The following ITGA9 variants were observed in gnomAD, a reference collection of about 807,000 sequenced individuals.
The protein encoded by ITGA9 is integrin subunit alpha 9, also known as integrin alpha-9.
Under a neutral mutation model 127.8 loss-of-function variants are expected in ITGA9, and 56 were observed. The ratio of observed to expected loss-of-function variants is 0.44; its 90% CI spans 0.35 to 0.55. The LOEUF is 0.55. Among genes scored for constraint, ITGA9 ranks in the 20% least tolerant of loss-of-function variants. The pLI, the probability that ITGA9 is intolerant of heterozygous loss-of-function variation, is 0.00. For missense variants in ITGA9, 1,196 were observed against 1,347.1 expected (o/e 0.89, Z 1.76); for synonymous variants, 508 against 514.5 (o/e 0.99, Z 0.17).
chr3:37,506,404 G>A (rs934600588), intron 7 of ITGA9, among the ~76,000 whole-genome samples: 3 of 152,134 alleles, frequency 2.0e-5, no homozygotes, highest in African/African-American at 7.2e-5. Context: ...GGCATTTAGT[G>A]CTGTCCAACT....
chr3:37,583,494 T>G (rs190879638), intron 15 of ITGA9, among the ~76,000 whole-genome samples: 61 of 152,350 alleles, frequency 4.0e-4, no homozygotes, highest in African/African-American at 1.5e-3. Context: ...CAATGTCTTA[T>G]GAGGCCTCAT....
intron 18 of ITGA9, among the ~76,000 whole-genome samples, chr3:37,689,053 G>T (rs1207034051): frequency 6.6e-6 from 1 of 150,450 alleles, no homozygotes; most frequent in Non-Finnish European, 1.5e-5. Context: ...TGGATGGCTG[G>T]CTGGGTGGAT....
chr3:37,574,244 T>C (rs926672296), intron 15 of ITGA9, among the ~76,000 whole-genome samples: 1 of 152,242 alleles, frequency 6.6e-6, no homozygotes, highest in African/African-American at 2.4e-5. Context: ...ATAGTGTATT[T>C]CCTTTTTATT....
intron 4 of ITGA9, among the ~76,000 whole-genome samples, chr3:37,492,496 C>T (rs1007873270): frequency 6.6e-6 from 1 of 152,226 alleles, no homozygotes; most frequent in Non-Finnish European, 1.5e-5. Flanking sequence ...GTCACCACCT[C>T]GGAAACCCGA....
chr3:37,770,725 G>A (rs998549000), intron 23 of ITGA9, among the ~76,000 whole-genome samples: 4 of 152,168 alleles, frequency 2.6e-5, no homozygotes, highest in Admixed American at 1.3e-4. Flanking sequence ...AGATCCCCTA[G>A]AGTGAACAGG....
intron 20 of ITGA9, among the ~76,000 whole-genome samples, chr3:37,741,086 G>A (rs148017682): frequency 2.0e-5 from 3 of 152,196 alleles, no homozygotes; most frequent in Non-Finnish European, 4.4e-5. Context: ...TCCATTGTTC[G>A]TGGAACAGGC....
intron 15 of ITGA9, among the ~76,000 whole-genome samples, chr3:37,585,455 A>C (rs1699748874): frequency 6.6e-6 from 1 of 152,246 alleles, no homozygotes; most frequent in African/African-American, 2.4e-5. Flanking sequence ...AACCTGGCAC[A>C]GTAAATTCAT....
chr3:37,672,474 A>C (rs1700646310), intron 17 of ITGA9, among the ~76,000 whole-genome samples: 3 of 152,146 alleles, frequency 2.0e-5, no homozygotes, highest in Admixed American at 1.3e-4. Flanking sequence ...AGCCATGTGG[A>C]ACTGTGAGTC....
At chr3:37,718,666 C>G (rs1238948918) in intron 18 of ITGA9, among the ~76,000 whole-genome samples, 1 of 152,162 alleles carries the variant, frequency 6.6e-6, no homozygotes, top group Non-Finnish European at 1.5e-5. Context: ...CAATCTGCAT[C>G]TTTAACAAGC....
chr3:37,634,037 T>C (rs929654781), intron 16 of ITGA9, among the ~76,000 whole-genome samples: 1 of 152,256 alleles, frequency 6.6e-6, no homozygotes, highest in East Asian at 1.9e-4. Flanking sequence ...CAGTTATAAC[T>C]ATCAGATGTT....
chr3:37,453,914 C>A (rs1216562220), intron 1 of ITGA9, among the ~76,000 whole-genome samples: 1 of 152,234 alleles, frequency 6.6e-6, no homozygotes, highest in Admixed American at 6.5e-5. Flanking sequence ...CCCTCTCTCA[C>A]TTACTCCAGT....
intron 13 of ITGA9, 39 bp downstream of exon 13, chr3:37,526,110 C>G: frequency 1.9e-6 from 3 of 1,579,668 alleles, no homozygotes; most frequent in Non-Finnish European, 2.6e-6. Context: ...TTGTGCTGTT[C>G]AGGGTGAGGG....
chr3:37,460,948 C>T (rs1698310281), intron 1 of ITGA9, among the ~76,000 whole-genome samples: 1 of 152,108 alleles, frequency 6.6e-6, no homozygotes, highest in Non-Finnish European at 1.5e-5. Context: ...TCCATCTTAG[C>T]TGATCTGTTG....
At chr3:37,512,120 C>CCTTCCTTCCTTCT (rs1698929069) in intron 8 of ITGA9, among the ~76,000 whole-genome samples, 3 of 39,466 alleles carry the variant, frequency 7.6e-5, no homozygotes, top group African/African-American at 2.4e-4. Context: ...TTCCTTCCTT[C>CCTTCCTTCCTTCT]TTTCTTTTCT....
chr3:37,490,052 G>C (rs193137977), intron 4 of ITGA9, among the ~76,000 whole-genome samples: 1 of 148,952 alleles, frequency 6.7e-6, no homozygotes, highest in Non-Finnish European at 1.5e-5. Context: ...AGCAGACTAC[G>C]ATCCTGAGTG....
At chr3:37,652,634 G>C (rs1239695849) in intron 16 of ITGA9, among the ~76,000 whole-genome samples, 1 of 152,198 alleles carries the variant, frequency 6.6e-6, no homozygotes, top group East Asian at 1.9e-4. Flanking sequence ...CTGAGGTGCT[G>C]CCTGGACTTA....
At chr3:37,474,691 T>G (rs142691383) in intron 3 of ITGA9, among the ~76,000 whole-genome samples, 1 of 152,320 alleles carries the variant, frequency 6.6e-6, no homozygotes, top group Admixed American at 6.5e-5. Context: ...TCAGAAGCTG[T>G]ACGAAGATTT....
At chr3:37,654,389 G>A (rs529932585) in intron 17 of ITGA9, among the ~76,000 whole-genome samples, 5 of 152,274 alleles carry the variant, frequency 3.3e-5, no homozygotes, top group African/African-American at 9.6e-5. Flanking sequence ...ACCGTACAGC[G>A]GCCTTCTGTT....
chr3:37,521,439 C>T (rs1315749333), intron 11 of ITGA9, among the ~76,000 whole-genome samples: 1 of 152,206 alleles, frequency 6.6e-6, no homozygotes, highest in Non-Finnish European at 1.5e-5. Flanking sequence ...TTTTAAGATC[C>T]TTGTGTGCCT....
Sources: allele counts gnomAD v4.1 joint callset (sites outside exome capture counted in the v4.1 genomes callset), GRCh38; gene constraint gnomAD v4.1.1; transcripts MANE v1.5; gene names NCBI Gene and HGNC (gene_info 2026-07-23, HGNC 2026-07-21).